Variants in ZDHHC11B observed in about 807,000 individuals in gnomAD.
ZDHHC11B encodes probable palmitoyltransferase ZDHHC11B.
A neutral mutation model predicts 42.3 loss-of-function variants in ZDHHC11B; 17 were observed. That is an observed-to-expected ratio of 0.40 (90% CI 0.27 to 0.60). The LOEUF (loss-of-function observed/expected upper bound fraction) is 0.60. ZDHHC11B is among the 20% of genes least tolerant of loss of function. The pLI, the probability that ZDHHC11B is intolerant of heterozygous loss-of-function variation, is 0.41. For missense variants in ZDHHC11B, 262 were observed against 463.2 expected, an observed-to-expected ratio of 0.57 and a Z score of 3.99; for synonymous variants, 123 against 193.5, an observed-to-expected ratio of 0.64 and a Z score of 3.02.
intron 1 of ZDHHC11B, among the ~76,000 whole-genome samples, chr5:770,715 T>G (rs1349845875): frequency 1.3e-5 from 2 of 152,008 alleles, no homozygotes; most frequent in Admixed American, 1.3e-4. Flanking sequence ...TGCCTCAGGA[T>G]GCTCTTCCCA....
At chr5:714,992 C>T (rs1172714960) in intron 13 of ZDHHC11B, among the ~76,000 whole-genome samples, 35 of 151,100 alleles carry the variant, frequency 2.3e-4, no homozygotes, top group Middle Eastern at 3.4e-3. Context: ...TCCATGTGAT[C>T]TCTGCACATG....
intron 7 of ZDHHC11B, among the ~76,000 whole-genome samples, chr5:749,060 C>T (rs1230738562): frequency 8.7e-6 from 1 of 115,582 alleles, no homozygotes; most frequent in African/African-American, 2.7e-5. Flanking sequence ...GGTCACAGTG[C>T]CCACCCCTTC....
intron 6 of ZDHHC11B, among the ~76,000 whole-genome samples, chr5:754,420 C>T (rs62332117): frequency 0.1 from 11,149 of 111,072 alleles, 3,870 homozygotes; most frequent in Non-Finnish European, 0.17. Flanking sequence ...AAACACCTCT[C>T]GCCTGTGAGC....
chr5:776,960 A>G (rs1395748330), intron 1 of ZDHHC11B, among the ~76,000 whole-genome samples: 2 of 151,888 alleles, frequency 1.3e-5, no homozygotes, highest in Non-Finnish European at 2.9e-5. Flanking sequence ...TCAGGCAGGC[A>G]GAGCTCCCAA....
chr5:752,610 G>C (rs1697957), intron 6 of ZDHHC11B, among the ~76,000 whole-genome samples: 12,890 of 91,966 alleles, frequency 0.14, 1,553 homozygotes, highest in East Asian at 0.34. Flanking sequence ...TGCCGCAGTC[G>C]TCCGAAGACG....
At chr5:762,737 C>T (rs1188287247) in intron 4 of ZDHHC11B, among the ~76,000 whole-genome samples, 1 of 151,666 alleles carries the variant, frequency 6.6e-6, no homozygotes, top group Non-Finnish European at 1.5e-5. Context: ...ACCTAAGTTT[C>T]CGTCTTAAGA....
intron 1 of ZDHHC11B, among the ~76,000 whole-genome samples, chr5:772,017 G>C: frequency 6.6e-6 from 1 of 151,960 alleles, no homozygotes; most frequent in East Asian, 1.9e-4. Context: ...GGTTGGCCTT[G>C]GAGGGCTGAG....
intron 9 of ZDHHC11B, among the ~76,000 whole-genome samples, chr5:743,234 G>A (rs1236265720): frequency 1.1e-4 from 16 of 149,060 alleles, no homozygotes; most frequent in Admixed American, 5.5e-4. Context: ...TGTCTCTGTC[G>A]GCGCCACACT....
chr5:770,917 G>A (rs1285536161), intron 1 of ZDHHC11B, among the ~76,000 whole-genome samples: 3 of 152,066 alleles, frequency 2.0e-5, no homozygotes, highest in African/African-American at 7.2e-5. Context: ...GGGACGCAGG[G>A]CTACGCCACA....
At chr5:773,199 C>T (rs558442498) in intron 1 of ZDHHC11B, among the ~76,000 whole-genome samples, 3 of 152,008 alleles carry the variant, frequency 2.0e-5, no homozygotes, top group Non-Finnish European at 2.9e-5. Flanking sequence ...TCTACCTTGG[C>T]GCTCTCCACC....
intron 1 of ZDHHC11B, among the ~76,000 whole-genome samples, chr5:777,506 A>G (rs1736616282): frequency 6.6e-6 from 1 of 151,902 alleles, no homozygotes; most frequent in Admixed American, 6.6e-5. Flanking sequence ...TGCTAAGAGC[A>G]AAAGAACAAA....
At chr5:718,116 G>C (rs917818214) in intron 12 of ZDHHC11B, among the ~76,000 whole-genome samples, 1 of 151,866 alleles carries the variant, frequency 6.6e-6, no homozygotes, top group African/African-American at 2.4e-5. Flanking sequence ...TAAAAGCATG[G>C]CAAAGTATGA....
At chr5:767,303 C>G in intron 3 of ZDHHC11B, 89 bp downstream of exon 3, 1 of 1,428,764 alleles carries the variant, frequency 7.0e-7, no homozygotes, top group South Asian at 1.2e-5. Flanking sequence ...GCCCTCTCCC[C>G]ACCCACACAC....
intron 12 of ZDHHC11B, among the ~76,000 whole-genome samples, chr5:724,953 C>G (rs1279727963): frequency 1.4e-5 from 2 of 146,294 alleles, no homozygotes; most frequent in Non-Finnish European, 1.5e-5. Flanking sequence ...GATGCACACA[C>G]GGCACTTCTG....
intron 12 of ZDHHC11B, among the ~76,000 whole-genome samples, chr5:720,189 G>C (rs1297564792): frequency 6.6e-6 from 1 of 151,750 alleles, no homozygotes; most frequent in Non-Finnish European, 1.5e-5. Context: ...TTCCAAGCAG[G>C]CTATATGCCA....
chr5:754,575 C>CG (rs1746335894), intron 6 of ZDHHC11B, among the ~76,000 whole-genome samples: 1 of 130,710 alleles, frequency 7.7e-6, no homozygotes, highest in African/African-American at 2.5e-5. Flanking sequence ...AAACACCTCT[C>CG]ATCTGTGAGC....
chr5:760,128 C>T (rs1312907390), intron 4 of ZDHHC11B, among the ~76,000 whole-genome samples: 6 of 151,718 alleles, frequency 4.0e-5, no homozygotes, highest in South Asian at 2.1e-4. Flanking sequence ...CTCAGAGGCA[C>T]GCGTGGCCGA....
intron 6 of ZDHHC11B, among the ~76,000 whole-genome samples, chr5:753,034 C>T (rs1177386412): frequency 7.9e-6 from 1 of 126,696 alleles, no homozygotes; most frequent in African/African-American, 2.5e-5. Context: ...TTGGTTAGCA[C>T]AGCCTCCTGC....
intron 1 of ZDHHC11B, among the ~76,000 whole-genome samples, chr5:771,824 G>A (rs1216326126): frequency 6.1e-5 from 9 of 146,348 alleles, no homozygotes; most frequent in African/African-American, 2.0e-4. Flanking sequence ...ATCTCCTGTG[G>A]GGATGCGCCT....
Sources: gnomAD v4.1 joint callset for allele counts (sites outside exome capture counted in the v4.1 genomes callset) on GRCh38, gnomAD v4.1.1 for gene constraint, MANE v1.5 for transcripts, NCBI Gene and HGNC (gene_info 2026-07-23, HGNC 2026-07-21) for gene names.